ANKRD42: variants seen among roughly 807,000 people sequenced by gnomAD.
ANKRD42 encodes ankyrin repeat domain-containing protein 42.
ANKRD42 carries 43 observed loss-of-function variants against 51.5 expected under a neutral mutation model. The observed-to-expected ratio is 0.83, with a 90% CI of 0.65 to 1.08. ANKRD42 has a LOEUF of 1.08. ANKRD42 is among the 50% of genes least tolerant of loss of function. ANKRD42 has a pLI of 0.00. For missense variants in ANKRD42, 608 were observed against 629.3 expected, an observed-to-expected ratio of 0.97 and a Z score of 0.36; for synonymous variants, 203 against 213.0, an observed-to-expected ratio of 0.95 and a Z score of 0.41.
intron 5 of ANKRD42, among the ~76,000 whole-genome samples, chr11:83,223,331 A>T (rs1238460972): frequency 1.3e-5 from 2 of 152,230 alleles, no homozygotes; most frequent in Non-Finnish European, 2.9e-5. Context: ...TGCGTAAGAA[A>T]TAGGGAGAGT....
At chr11:83,216,479 C>T (rs1363671490) in intron 5 of ANKRD42, among the ~76,000 whole-genome samples, 1 of 152,130 alleles carries the variant, frequency 6.6e-6, no homozygotes, top group South Asian at 2.1e-4. Flanking sequence ...CGCCCGCCAC[C>T]TCGCCCGGCT....
At chr11:83,262,019 G>T, downstream of ANKRD42, 3 of 1,230,404 alleles carry the variant, frequency 2.4e-6, no homozygotes, top group South Asian at 1.4e-5. Flanking sequence ...TTATTTTGCA[G>T]AGATAAAGAG....
Position 83,194,707 on chromosome 11 carries a change from T to TGA in ANKRD42, c.37_38insGA (p.Ser13Ter). 6.2e-7 allele frequency: 1 copy of TGA among 1,606,490 alleles called. No homozygotes were observed. The highest frequency in any genetic ancestry group is 8.5e-7 in the Non-Finnish European group (1 of 1,176,200). ...GVANSGPSTSSRETANPCSRK... is the reference protein window; with the variant it reads ...GVANSGPSTS ...GGCCAATTCAGGCCCCTCCACTTCC[T>TGA]CTAGGGAGACTGCAAACCCCTGTGA... Residue 13 changes from serine (S) to a stop codon, truncating the protein, a stop_gained and frameshift_variant, in exon 1 of 11, where the codon TCT becomes TGACT. Transcript: ENST00000533342. LOFTEE classifies it high-confidence loss of function.
intron 5 of ANKRD42, among the ~76,000 whole-genome samples, chr11:83,224,567 A>G (rs1024409147): frequency 6.6e-6 from 1 of 152,312 alleles, no homozygotes; most frequent in African/African-American, 2.4e-5. Context: ...TCATCTCCCT[A>G]TAAGGAATAG....
chr11:83,245,950 T>C (rs1186952567), intron 10 of ANKRD42, among the ~76,000 whole-genome samples: 2 of 152,234 alleles, frequency 1.3e-5, no homozygotes, highest in Admixed American at 6.5e-5. Context: ...TTCATCAGGC[T>C]ACACTGCCCA....
intron 7 of ANKRD42, among the ~76,000 whole-genome samples, chr11:83,235,474 A>G (rs1337931548): frequency 6.6e-6 from 1 of 152,206 alleles, no homozygotes; most frequent in Non-Finnish European, 1.5e-5. Context: ...GGCTTGACTG[A>G]GGTTAGATAT....
intron 10 of ANKRD42, among the ~76,000 whole-genome samples, chr11:83,247,326 C>T (rs1310055980): frequency 1.3e-5 from 2 of 152,106 alleles, no homozygotes; most frequent in East Asian, 3.8e-4. Context: ...GCCTCCGCCT[C>T]CCAAAGTGCT....
At chr11:83,213,379 G>T in intron 5 of ANKRD42, 1 of 1,575,100 alleles carries the variant, frequency 6.3e-7, no homozygotes, top group South Asian at 1.1e-5. Context: ...CCCAACGCCA[G>T]GCTGCGCAGT....
At position 83,193,909 on chromosome 11, in the gene ANKRD42, G is replaced by T. The variant is rs1207927300; in HGVS notation, c.-762G>T. ...AAACGGTCTACACGGCCATTCCGGCGCCGAGTCTAGGGAAAGAGTTAGCGA... is the reference window on the plus strand; with the variant it reads ...AAACGGTCTACACGGCCATTCCGGCTCCGAGTCTAGGGAAAGAGTTAGCGA... On this transcript the variant is annotated 5_prime_UTR_variant, in exon 1 of 11. Coordinates refer to ENST00000533342, the MANE Select transcript of ANKRD42 (RefSeq NM_001300975.2). 4.4e-6 allele frequency: 2 copies of T among 454,330 alleles called. No homozygotes were observed. The highest frequency in any genetic ancestry group is 4.0e-5 in the African/African-American group (2 of 49,994). The allele number at this position is 454,330 out of a possible 1,614,324, so 28.1% of individuals were successfully genotyped here.
intron 6 of ANKRD42, among the ~76,000 whole-genome samples, chr11:83,225,782 GAAAA>G (rs59860833): frequency 3.4e-5 from 3 of 88,782 alleles, no homozygotes; most frequent in East Asian, 3.3e-4. Context: ...CTCCATCCTG[GAAAA>G]AAAAAAAAAA....
Position 83,210,287 on chromosome 11 carries a change from T to G in ANKRD42, c.331-13T>G. 1.2e-6 allele frequency: 2 copies of G among 1,612,168 alleles called. No individual in the cohort carries two copies. Among genetic ancestry groups the G allele is most frequent in the Non-Finnish European group, 1.7e-6 (2 of 1,178,406 alleles). On this transcript the variant is annotated splice_polypyrimidine_tract_variant and intron_variant, in intron 3 of 10. Transcript: ENST00000533342. ...ATACTCATGTAAAGTCTTTCCTATTTCTCTATTTTTAGGCTCTTATAATGA... is the reference window on the plus strand; with the variant it reads ...ATACTCATGTAAAGTCTTTCCTATTGCTCTATTTTTAGGCTCTTATAATGA...
chr11:83,236,855 TC>T (rs1180129330), intron 8 of ANKRD42, among the ~76,000 whole-genome samples: 1 of 152,228 alleles, frequency 6.6e-6, no homozygotes, highest in East Asian at 1.9e-4. Context: ...TCATGATTTG[TC>T]CCATCCAAAT....
downstream of ANKRD42, among the ~76,000 whole-genome samples, chr11:83,264,094 A>ATG (rs1286997266): frequency 6.6e-6 from 1 of 152,178 alleles, no homozygotes; most frequent in East Asian, 1.9e-4. Flanking sequence ...CCACCAAGAT[A>ATG]TGTGTGTGTG....
intron 7 of ANKRD42, 41 bp downstream of exon 7, chr11:83,227,913 G>C: frequency 6.5e-7 from 1 of 1,550,154 alleles, no homozygotes; most frequent in Non-Finnish European, 8.7e-7. Context: ...TACAATAGCT[G>C]CTGAGTTATT....
At position 83,243,726 on chromosome 11, in the gene ANKRD42, A is replaced by G. The variant is rs547705482; in HGVS notation, c.1196-1772A>G. Among the ~76,000 whole-genome samples, 8 of 152,122 alleles carry G rather than the reference A, an allele frequency of 5.3e-5. No homozygotes were observed. The South Asian group carries it at 1.5e-3, about 28-fold the overall frequency. On this transcript the variant is annotated intron_variant, in intron 9 of 10. Coordinates refer to ENST00000533342, the MANE Select transcript of ANKRD42 (RefSeq NM_001300975.2). Reference sequence around the variant, plus strand: ...GCCCAGGCTGGAGTGCAGTGGCGCAATCTCGGCTCACTGCAAGCTCCGCCT... The same window carrying G: ...GCCCAGGCTGGAGTGCAGTGGCGCAGTCTCGGCTCACTGCAAGCTCCGCCT...
At chr11:83,194,909 G>A (rs1861577894) in intron 1 of ANKRD42, among the ~76,000 whole-genome samples, 181 bp downstream of exon 1, 1 of 152,030 alleles carries the variant, frequency 6.6e-6, no homozygotes, top group African/African-American at 2.4e-5. Context: ...TATTATTTCC[G>A]CTTTCTTTCC....
At chr11:83,228,231 C>CTTTTTTTTTTTTTTTTT (rs11403803) in intron 7 of ANKRD42, among the ~76,000 whole-genome samples, 1 of 59,024 alleles carries the variant, frequency 1.7e-5, no homozygotes, top group Admixed American at 2.3e-4. Flanking sequence ...CTCTCTCTCT[C>CTTTTTTTTTTTTTTTTT]TTTTTTTTTT....
At position 83,211,327 on chromosome 11, in the gene ANKRD42, A is replaced by T; in HGVS notation, c.483A>T (p.Arg161Ser). 1 of 1,614,208 alleles carries T rather than the reference A, an allele frequency of 6.2e-7. No homozygotes were observed. Among genetic ancestry groups the T allele is most frequent in the Non-Finnish European group, 8.5e-7 (1 of 1,180,040 alleles). The change falls in exon 5 of 11, where the codon AGA (arginine) becomes AGT (serine). Residue 161 changes from arginine (R) to serine (S), a missense_variant. By Grantham distance (110) the Arg-to-Ser change is moderately radical. Transcript: ENST00000533342. ...GTGTGACTGATAAGAGAGAATGGAG[A>T]CCTGTGCATTATGCAGCTTTTCATG... ...DPSVTDKREW[R>S]PVHYAAFHGR... is the part of the protein sequence containing the mutation.
chr11:83,257,573 C>T (rs936357637), downstream of ANKRD42, among the ~76,000 whole-genome samples: 4 of 152,074 alleles, frequency 2.6e-5, no homozygotes, highest in East Asian at 1.9e-4. Context: ...GTAGTTGTGC[C>T]GAGGATTATA....
Sources: allele counts gnomAD v4.1 joint callset (sites outside exome capture counted in the v4.1 genomes callset), GRCh38; gene constraint gnomAD v4.1.1; transcripts MANE v1.5; gene names NCBI Gene and HGNC (gene_info 2026-07-23, HGNC 2026-07-21).